The following C7orf33 variants were observed in gnomAD, a reference collection of about 807,000 sequenced individuals.
C7orf33 encodes the protein uncharacterized protein C7orf33.
A neutral mutation model predicts 13.4 loss-of-function variants in C7orf33; 15 were observed. The observed-to-expected ratio is 1.12, with a 90% CI of 0.75 to 1.72. The LOEUF (loss-of-function observed/expected upper bound fraction) is 1.72. Among genes scored for constraint, C7orf33 ranks in the 40% most tolerant of loss-of-function variants. The pLI is 0.00. For synonymous variants in C7orf33, 73 were observed against 83.2 expected, an observed-to-expected ratio of 0.88 and a Z score of 0.67; for missense variants, 187 against 220.3, an observed-to-expected ratio of 0.85 and a Z score of 0.96.
In C7orf33 at chr7:148,608,545, G is replaced by A. The variant is rs1796500581; in HGVS notation, c.205-5497G>A. Among the ~76,000 whole-genome samples the A allele has an allele frequency of 2.0e-5, 3 of 152,058 alleles. No homozygotes were observed. The South Asian group carries it at 6.2e-4, about 32-fold the overall frequency. The stretch of plus-strand genomic sequence containing the variant: ...TTCCCATCTAAATTGCCGTGGCTCA[G>A]TGGCTCATGCCTGTAATCCCAGCAC... On this transcript the variant is annotated intron_variant, in intron 1 of 2. Coordinates refer to ENST00000307003, the MANE Select transcript of C7orf33 (RefSeq NM_145304.4).
chr7:148,591,145 T>G lies in C7orf33; in HGVS notation c.204+16T>G. The G allele has an allele frequency of 6.3e-7, 1 of 1,580,144 alleles. No individual in the cohort carries two copies. Among genetic ancestry groups the G allele is most frequent in the East Asian group, 2.2e-5 (1 of 44,750 alleles). ...AAGACATAAGGTAAGTTAATGATTCTAAGATGAATCAACTGCTCTTTGAGT... is the reference window on the plus strand; with the variant it reads ...AAGACATAAGGTAAGTTAATGATTCGAAGATGAATCAACTGCTCTTTGAGT... On this transcript the variant is annotated intron_variant, in intron 1 of 2. Coordinates refer to ENST00000307003, the MANE Select transcript of C7orf33 (RefSeq NM_145304.4).
chr7:148,595,312 ATAAT>A (rs201383022), intron 1 of C7orf33, among the ~76,000 whole-genome samples: 1,596 of 141,110 alleles, frequency 0.011, 34 homozygotes, highest in African/African-American at 0.039. Flanking sequence ...TATATAATAT[ATAAT>A]ATAGATATAT....
At chr7:148,606,913 G>A (rs1796478212) in intron 1 of C7orf33, among the ~76,000 whole-genome samples, 1 of 83,180 alleles carries the variant, frequency 1.2e-5, no homozygotes, top group South Asian at 3.7e-4. Context: ...AGTTGGAATA[G>A]ACCCCATTTA....
intron 1 of C7orf33, among the ~76,000 whole-genome samples, chr7:148,600,799 CTTTTT>C (rs11373798): frequency 1.9e-5 from 2 of 103,720 alleles, no homozygotes; most frequent in African/African-American, 4.3e-5. Flanking sequence ...TTATGGACTT[CTTTTT>C]TTTTTTTTTT....
chr7:148,612,387 G>GA (rs1156499001), intron 1 of C7orf33, among the ~76,000 whole-genome samples: 1 of 151,982 alleles, frequency 6.6e-6, no homozygotes, highest in East Asian at 1.9e-4. Context: ...AATGACAAAA[G>GA]AAAAAATAGA....
In C7orf33 at chr7:148,598,747, TATATATATATATATATAG is replaced by T. The variant is rs1176182481; in HGVS notation, c.204+7620_204+7637del. Among the ~76,000 whole-genome samples, 22 of 71,464 alleles carry T rather than the reference TATATATATATATATATAG, an allele frequency of 3.1e-4. 1 individual carries two copies. Among genetic ancestry groups the T allele is most frequent in the South Asian group, 1.5e-3 (3 of 1,964 alleles). 46.9% of individuals were successfully genotyped at this position (71,464 alleles called of 152,430 possible). A position where few individuals can be genotyped will look rare whatever the true frequency, so the allele number is the denominator to read the frequency against. On this transcript the variant is annotated intron_variant, in intron 1 of 2. Transcript: ENST00000307003. ...CTGGATATATATATATATATATATA[TATATATATATATATATAG>T]AGAGAGAGAGAGAGAGAGAGAGAGA...
intron 1 of C7orf33, among the ~76,000 whole-genome samples, chr7:148,611,896 G>T (rs567437221): frequency 6.6e-6 from 1 of 152,338 alleles, no homozygotes; most frequent in African/African-American, 2.4e-5. Context: ...GGTTTGAGCT[G>T]CAGGGCAACC....
chr7:148,591,505 C>T (rs1212296235), intron 1 of C7orf33, among the ~76,000 whole-genome samples: 1 of 152,194 alleles, frequency 6.6e-6, no homozygotes, highest in Non-Finnish European at 1.5e-5. Context: ...CTTGGTCACC[C>T]TTTGGCACAA....
intron 1 of C7orf33, among the ~76,000 whole-genome samples, chr7:148,596,255 C>A (rs1018244221): frequency 6.6e-6 from 1 of 152,278 alleles, no homozygotes; most frequent in African/African-American, 2.4e-5. Flanking sequence ...ATCAACTTCC[C>A]CCACCAGAAT....
chr7:148,598,759 TATATAGAGAGAGAGAGAGAG>T (rs1456378318), intron 1 of C7orf33, among the ~76,000 whole-genome samples: 37 of 32,930 alleles, frequency 1.1e-3, no homozygotes, highest in African/African-American at 2.9e-3. Context: ...TATATATATA[TATATAGAGAGAGAGAGAGAG>T]AGAGAGAGAG....
chr7:148,600,579 T>C (rs902094242), intron 1 of C7orf33, among the ~76,000 whole-genome samples: 2 of 152,244 alleles, frequency 1.3e-5, no homozygotes, highest in Admixed American at 6.5e-5. Context: ...AATGAGGTTT[T>C]CAAATTTTCA....
chr7:148,602,050 A>G (rs569083937), intron 1 of C7orf33, among the ~76,000 whole-genome samples: 1 of 152,182 alleles, frequency 6.6e-6, no homozygotes, highest in Non-Finnish European at 1.5e-5. Context: ...CACCCGGCCC[A>G]AACTGAGTTT....
intron 1 of C7orf33, among the ~76,000 whole-genome samples, chr7:148,600,168 G>T (rs1796395946): frequency 6.6e-6 from 1 of 152,096 alleles, no homozygotes; most frequent in Non-Finnish European, 1.5e-5. Context: ...TCAGAGTTGA[G>T]CCTCTAAAAT....
At chr7:148,595,480 TTA>T (rs1415110621) in intron 1 of C7orf33, among the ~76,000 whole-genome samples, 1 of 127,246 alleles carries the variant, frequency 7.9e-6, no homozygotes, top group Non-Finnish European at 1.5e-5. Flanking sequence ...CTATTATATA[TTA>T]TATATACTAT....
chr7:148,595,441 TA>T (rs926954448), intron 1 of C7orf33, among the ~76,000 whole-genome samples: 2 of 131,936 alleles, frequency 1.5e-5, no homozygotes, highest in African/African-American at 5.9e-5. Flanking sequence ...CTATATAATA[TA>T]GATATATATT....
chr7:148,604,604 C>T (rs982412579), intron 1 of C7orf33, among the ~76,000 whole-genome samples: 5 of 152,172 alleles, frequency 3.3e-5, no homozygotes, highest in African/African-American at 1.2e-4. Context: ...ACATTGGGTA[C>T]AGTGTACCCT....
chr7:148,597,944 A>G (rs1047769745), intron 1 of C7orf33, among the ~76,000 whole-genome samples: 8 of 151,940 alleles, frequency 5.3e-5, no homozygotes, highest in African/African-American at 1.9e-4. Context: ...TTTAGTAGAG[A>G]TGGGGTTTCA....
intron 1 of C7orf33, among the ~76,000 whole-genome samples, chr7:148,595,230 A>T (rs1796314732): frequency 6.9e-6 from 1 of 144,476 alleles, no homozygotes; most frequent in African/African-American, 2.5e-5. Flanking sequence ...TATTATATGG[A>T]TATATATTAT....
In C7orf33 at chr7:148,615,460, C is replaced by G. The variant is rs1378944720; in HGVS notation, c.*59C>G. The G allele has an allele frequency of 2.5e-5, 27 of 1,087,520 alleles. No individual in the cohort carries two copies. Among genetic ancestry groups the G allele is most frequent in the Non-Finnish European group, 3.8e-5 (27 of 711,114 alleles). 67.4% of individuals were successfully genotyped at this position (1,087,520 alleles called of 1,614,324 possible). A position where few individuals can be genotyped will look rare whatever the true frequency, so the allele number is the denominator to read the frequency against. On this transcript the variant is annotated 3_prime_UTR_variant, in exon 3 of 3. Transcript: ENST00000307003. Reference sequence around the variant, plus strand: ...ATTTGTGTAGATTGTGAAATCTCTTCTTGCAAGAAAAAAGAGAAATAGCTG... The same window carrying G: ...ATTTGTGTAGATTGTGAAATCTCTTGTTGCAAGAAAAAAGAGAAATAGCTG...
Sources: allele counts gnomAD v4.1 joint callset (sites outside exome capture counted in the v4.1 genomes callset), GRCh38; gene constraint gnomAD v4.1.1; transcripts MANE v1.5; gene names NCBI Gene and HGNC (gene_info 2026-07-23, HGNC 2026-07-21).